The following QTMAN variants were observed in gnomAD, a reference collection of about 807,000 sequenced individuals.
The protein encoded by QTMAN is queuosine-tRNA mannosyltransferase.
the QTMAN span, among the ~76,000 whole-genome samples, chr2:144,258,237 A>G: frequency 6.6e-6 from 1 of 151,936 alleles, no homozygotes; most frequent in African/African-American, 2.4e-5. Flanking sequence ...AAAAACAAAA[A>G]CAAAAAACAG....
At chr2:144,150,837 C>T in the QTMAN span, among the ~76,000 whole-genome samples, 1 of 152,076 alleles carries the variant, frequency 6.6e-6, no homozygotes, top group Non-Finnish European at 1.5e-5. Flanking sequence ...ATAACTATTC[C>T]AAAGAGAGAT....
At chr2:144,172,121 G>A in the QTMAN span, among the ~76,000 whole-genome samples, 1 of 151,894 alleles carries the variant, frequency 6.6e-6, no homozygotes, top group African/African-American at 2.4e-5. Flanking sequence ...GTTGAGATCC[G>A]CCATAGCAAA....
chr2:144,179,309 A>G, the QTMAN span, among the ~76,000 whole-genome samples: 3 of 152,166 alleles, frequency 2.0e-5, no homozygotes, highest in Non-Finnish European at 4.4e-5. Flanking sequence ...CTTTGCACAA[A>G]TAACTTAATC....
chr2:144,290,379 C>G, the QTMAN span, among the ~76,000 whole-genome samples: 2 of 152,220 alleles, frequency 1.3e-5, no homozygotes, highest in East Asian at 3.8e-4. Context: ...TATACTGCCA[C>G]CCTCCTATCG....
At chr2:144,153,480 C>T in the QTMAN span, among the ~76,000 whole-genome samples, 1 of 152,054 alleles carries the variant, frequency 6.6e-6, no homozygotes, top group Non-Finnish European at 1.5e-5. Context: ...GAGGCTGAGG[C>T]GGGCGGATCA....
the QTMAN span, among the ~76,000 whole-genome samples, chr2:144,305,720 C>T: frequency 2.6e-5 from 4 of 152,152 alleles, no homozygotes; most frequent in Non-Finnish European, 5.9e-5. Context: ...TCATCTAGAT[C>T]CATGAACATG....
the QTMAN span, chr2:144,128,046 T>C: frequency 6.6e-6 from 1 of 152,146 alleles, no homozygotes; most frequent in Non-Finnish European, 1.5e-5. Flanking sequence ...ACAGCCACCC[T>C]GCAATGGAAA....
At chr2:144,317,372 A>AGGAAGGAAGGAG in the QTMAN span, 1 of 126,540 alleles carries the variant, frequency 7.9e-6, no homozygotes, top group African/African-American at 3.0e-5. Flanking sequence ...AGGGGAAGGA[A>AGGAAGGAAGGAG]GGAAGGAAGG....
the QTMAN span, among the ~76,000 whole-genome samples, chr2:144,121,266 T>G: frequency 6.6e-6 from 1 of 152,138 alleles, no homozygotes; most frequent in African/African-American, 2.4e-5. Context: ...CCTCGCACAG[T>G]ATGCAGTTTA....
chr2:144,159,933 C>A, the QTMAN span, among the ~76,000 whole-genome samples: 16 of 151,650 alleles, frequency 1.1e-4, no homozygotes, highest in Non-Finnish European at 2.2e-4. Context: ...AAGTTTCAGG[C>A]TATATTTTTT....
the QTMAN span, among the ~76,000 whole-genome samples, chr2:144,031,034 G>A: frequency 2.6e-5 from 4 of 152,258 alleles, no homozygotes; most frequent in South Asian, 4.2e-4. Context: ...GGGAACAAAC[G>A]TTCCTGCCAG....
chr2:144,291,140 T>C, the QTMAN span, among the ~76,000 whole-genome samples: 1 of 152,176 alleles, frequency 6.6e-6, no homozygotes. Context: ...TTTCCCCTTT[T>C]TATAAGGACA....
the QTMAN span, among the ~76,000 whole-genome samples, chr2:144,239,505 G>A: frequency 6.6e-6 from 1 of 152,150 alleles, no homozygotes; most frequent in African/African-American, 2.4e-5. Context: ...GGTGGGGGGT[G>A]GGAGGGGAGT....
chr2:144,043,907 T>C, the QTMAN span, among the ~76,000 whole-genome samples: 4 of 152,194 alleles, frequency 2.6e-5, no homozygotes, highest in Non-Finnish European at 5.9e-5. Context: ...GTACCCTATG[T>C]GTTACATCTG....
the QTMAN span, among the ~76,000 whole-genome samples, chr2:144,283,968 C>T: frequency 6.6e-6 from 1 of 150,988 alleles, no homozygotes; most frequent in East Asian, 1.9e-4. Context: ...AAATTATGTC[C>T]CTAACATATA....
chr2:144,057,032 T>C, the QTMAN span, among the ~76,000 whole-genome samples: 1 of 152,232 alleles, frequency 6.6e-6, no homozygotes, highest in Non-Finnish European at 1.5e-5. Flanking sequence ...CTTTGTGTAA[T>C]ACCTGAACAA....
At chr2:143,939,762 A>G in the QTMAN span, 6 of 151,678 alleles carry the variant, frequency 4.0e-5, no homozygotes, top group African/African-American at 1.5e-4. Context: ...AATACTCAAG[A>G]CCTCCCCCTC....
At chr2:144,242,875 T>A in the QTMAN span, among the ~76,000 whole-genome samples, 2 of 140,024 alleles carry the variant, frequency 1.4e-5, no homozygotes, top group African/African-American at 5.4e-5. Flanking sequence ...GACATGAGAA[T>A]CACCTGAACG....
At chr2:144,206,039 A>C in the QTMAN span, among the ~76,000 whole-genome samples, 1 of 152,258 alleles carries the variant, frequency 6.6e-6, no homozygotes, top group South Asian at 2.1e-4. Flanking sequence ...AAGATAAAGC[A>C]GAATCAAACT....
Sources: gnomAD v4.1 joint callset for allele counts (sites outside exome capture counted in the v4.1 genomes callset) on GRCh38, gnomAD v4.1.1 for gene constraint, MANE v1.5 for transcripts, NCBI Gene and HGNC (gene_info 2026-07-23, HGNC 2026-07-21) for gene names.